Variants in SLC38A2 observed in about 807,000 individuals in gnomAD.
SLC38A2 encodes the protein sodium-coupled neutral amino acid symporter 2.
SLC38A2 carries 11 observed loss-of-function variants against 61.5 expected under a neutral mutation model. The ratio of observed to expected loss-of-function variants is 0.18; its 90% CI spans 0.11 to 0.30. The LOEUF is 0.30. SLC38A2 is among the 10% of genes least tolerant of loss of function. SLC38A2 has a pLI of 1.00. For synonymous variants in SLC38A2, 217 were observed against 212.5 expected (o/e 1.02, Z -0.18); for missense variants, 522 against 600.4 (o/e 0.87, Z 1.36).
chr12:46,362,825 T>C (rs1943097636), intron 13 of SLC38A2, 187 bp from the exon 14 acceptor site: 1 of 940,968 alleles, frequency 1.1e-6, no homozygotes, highest in Admixed American at 3.2e-5. Context: ...AAGATCATTT[T>C]ATATCTTATG....
chr12:46,363,166 A>C (rs1039417529), intron 12 of SLC38A2, 21 bp from the exon 13 acceptor site: 1 of 1,607,238 alleles, frequency 6.2e-7, no homozygotes, highest in African/African-American at 1.3e-5. Context: ...AGACCAAAAA[A>C]ACTTTGATTG....
chr12:46,370,480 G>T, intron 4 of SLC38A2, 32 bp downstream of exon 4: 1 of 1,501,354 alleles, frequency 6.7e-7, no homozygotes, highest in Non-Finnish European at 9.3e-7. Context: ...TAACTGCCCT[G>T]CATGGCAGAC....
At chr12:46,365,854 G>A (rs1943134079) in intron 7 of SLC38A2, among the ~76,000 whole-genome samples, 1 of 152,010 alleles carries the variant, frequency 6.6e-6, no homozygotes. Flanking sequence ...TATCCTCTAA[G>A]CCTTTTTCTT....
In SLC38A2 at chr12:46,360,945, A is replaced by C. The variant is rs1248953769; in HGVS notation, c.*166T>G. On this transcript the variant is annotated 3_prime_UTR_variant, in exon 16 of 16. Coordinates refer to ENST00000256689, the MANE Select transcript of SLC38A2 (RefSeq NM_018976.5). ...ACATACAGATAAGTTTCTTAAAAAA[A>C]CAAAACAAAACAAAAAAGTTCACTT... 3 of 572,902 alleles carry C rather than the reference A, an allele frequency of 5.2e-6. No individual in the cohort carries two copies. The highest frequency in any genetic ancestry group is 9.1e-6 in the Non-Finnish European group (3 of 328,356). The allele number at this position is 572,902 out of a possible 1,614,324, so 35.5% of individuals were successfully genotyped here. A position where few individuals can be genotyped will look rare whatever the true frequency, so the allele number is the denominator to read the frequency against.
Position 46,370,845 on chromosome 12 carries a change from A to G in SLC38A2, c.129T>C (p.Asp43=). The part of the protein sequence containing the change: ...KQAALKSHYA[D]VDPENQNFLL... ...AAAAGTTCTGGTTTTCAGGATCTACATCTGCATAATGGCTGCAAAAAATAT... is the reference window on the plus strand; with the variant it reads ...AAAAGTTCTGGTTTTCAGGATCTACGTCTGCATAATGGCTGCAAAAAATAT... Residue 43 remains aspartate, a synonymous_variant, in exon 3 of 16, where the codon GAT becomes GAC. Transcript: ENST00000256689. 6.2e-7 allele frequency: 1 copy of G among 1,610,610 alleles called. No homozygotes were observed. Among genetic ancestry groups the G allele is most frequent in the Non-Finnish European group, 8.5e-7 (1 of 1,178,564 alleles).
rs551538080 is a variant in SLC38A2 at position 46,367,795 on chromosome 12, CG to C, written c.315-456del. 8.5e-5 allele frequency among the ~76,000 whole-genome samples: 13 copies of C among 152,278 alleles called. No homozygotes were observed. In the East Asian group the frequency reaches 2.5e-3, roughly 29 times the overall value. ...GTTCTTGGGAAATTCAACTGAGACA[CG>C]TTCAGGAAAGGTTTTAAGACCACAT... On this transcript the variant is annotated intron_variant, in intron 4 of 15. Coordinates refer to ENST00000256689, the MANE Select transcript of SLC38A2 (RefSeq NM_018976.5).
At chr12:46,370,675 G>C in intron 3 of SLC38A2, 48 bp from the exon 4 acceptor site, 1 of 1,563,936 alleles carries the variant, frequency 6.4e-7, no homozygotes, top group Non-Finnish European at 8.8e-7. Context: ...TAATTAAATG[G>C]AGAAAACCAG....
In SLC38A2 at chr12:46,364,735, T is replaced by A. The variant is rs1238225499; in HGVS notation, c.647-33A>T. 10 of 1,571,476 alleles carry A rather than the reference T, an allele frequency of 6.4e-6. No individual in the cohort carries two copies. The East Asian group carries it at 2.2e-4, about 35-fold the overall frequency. On this transcript the variant is annotated intron_variant, in intron 8 of 15. Coordinates refer to ENST00000256689, the MANE Select transcript of SLC38A2 (RefSeq NM_018976.5). ...GAGGGGTGGCAGGAATCAGTATTAGTTTAATGAAACAGATTTAAGGCAAAT... is the reference window on the plus strand; with the variant it reads ...GAGGGGTGGCAGGAATCAGTATTAGATTAATGAAACAGATTTAAGGCAAAT...
At chr12:46,363,600 T>C (rs1446824054) in intron 12 of SLC38A2, 126 bp downstream of exon 12, 2 of 543,190 alleles carry the variant, frequency 3.7e-6, no homozygotes, top group Admixed American at 3.8e-5. Context: ...TCATCACAAA[T>C]ATGAAATATA....
intron 13 of SLC38A2, 100 bp from the exon 14 acceptor site, chr12:46,362,738 A>C: frequency 8.0e-7 from 1 of 1,256,624 alleles, no homozygotes; most frequent in Non-Finnish European, 1.1e-6. Context: ...GTAACAAGGA[A>C]TCTATCCAAA....
At chr12:46,371,449 G>A (rs935714241) in intron 1 of SLC38A2, 70 bp from the exon 2 acceptor site, 27 of 614,490 alleles carry the variant, frequency 4.4e-5, no homozygotes, top group Middle Eastern at 4.4e-4. Context: ...GCCGCCCGGA[G>A]GCGCAGCGCG....
intron 14 of SLC38A2, 52 bp downstream of exon 14, chr12:46,362,442 A>G (rs964181530): frequency 6.3e-7 from 1 of 1,593,820 alleles, no homozygotes; most frequent in South Asian, 1.1e-5. Context: ...TCATTCTTTA[A>G]ATCTTAAAAT....
Position 46,360,928 on chromosome 12 carries a change from A to G in SLC38A2, c.*183T>C, listed in dbSNP as rs1429336676. 6 of 562,492 alleles carry G rather than the reference A, an allele frequency of 1.1e-5. No homozygotes were observed. Among genetic ancestry groups the G allele is most frequent in the South Asian group, 1.0e-4 (4 of 39,142 alleles). 34.8% of individuals were successfully genotyped at this position (562,492 alleles called of 1,614,324 possible). A position where few individuals can be genotyped will look rare whatever the true frequency, so the allele number is the denominator to read the frequency against. ...GTTCATATCCATTTCTAACATACAG[A>G]TAAGTTTCTTAAAAAAACAAAACAA... On this transcript the variant is annotated 3_prime_UTR_variant, in exon 16 of 16. Transcript: ENST00000256689.
intron 10 of SLC38A2, 39 bp from the exon 11 acceptor site, chr12:46,364,042 C>G (rs934946283): frequency 2.0e-6 from 3 of 1,504,504 alleles, no homozygotes; most frequent in Non-Finnish European, 2.7e-6. Flanking sequence ...TCTGATGTAA[C>G]GAACTCATGC....
At chr12:46,363,338 A>G (rs1320408013) in intron 12 of SLC38A2, among the ~76,000 whole-genome samples, 193 bp from the exon 13 acceptor site, 1 of 152,070 alleles carries the variant, frequency 6.6e-6, no homozygotes, top group African/African-American at 2.4e-5. Flanking sequence ...TCTAAATACC[A>G]CAGAGATTTA....
intron 7 of SLC38A2, among the ~76,000 whole-genome samples, chr12:46,366,634 C>T (rs1463394722): frequency 1.3e-5 from 2 of 152,066 alleles, no homozygotes; most frequent in Non-Finnish European, 2.9e-5. Flanking sequence ...TTCTAGAAAA[C>T]CTGTTTTAGA....
intron 13 of SLC38A2, 52 bp from the exon 14 acceptor site, chr12:46,362,690 T>A: frequency 2.0e-6 from 3 of 1,522,510 alleles, no homozygotes; most frequent in Non-Finnish European, 2.6e-6. Flanking sequence ...AATATAAAAT[T>A]TAAAAATCCA....
At chr12:46,369,944 T>C (rs1943177433) in intron 4 of SLC38A2, among the ~76,000 whole-genome samples, 1 of 152,162 alleles carries the variant, frequency 6.6e-6, no homozygotes, top group East Asian at 1.9e-4. Flanking sequence ...CGAACAGGTC[T>C]GACAAAAGCA....
rs1044769079 is a variant in SLC38A2 at position 46,362,309 on chromosome 12, G to C, written c.1397C>G (p.Pro466Arg). Residue 466 changes from proline (P) to arginine (R), a missense_variant, in exon 15 of 16, where the codon CCT becomes CGT. Pro to Arg is a moderately radical substitution (Grantham distance 103). This residue lies in a region of SLC38A2 where 309 missense variants were observed against 343.9 expected (regional missense o/e 0.90). Coordinates refer to ENST00000256689, the MANE Select transcript of SLC38A2 (RefSeq NM_018976.5). ...AFYIKLVKKE[P>R]MKSVQKIGAL... ...CCCAATCTTTTGTACAGATTTCATA[G>C]GTTCTTTCTTCACCAACTTGATATA... The C allele has an allele frequency of 1.2e-6, 2 of 1,611,360 alleles. No individual in the cohort carries two copies. Among genetic ancestry groups the C allele is most frequent in the Non-Finnish European group, 1.7e-6 (2 of 1,178,816 alleles).
Sources: gnomAD v4.1 joint callset for allele counts (sites outside exome capture counted in the v4.1 genomes callset) on GRCh38, gnomAD v4.1.1 for gene constraint, gnomAD v4.1.1 regional missense constraint, MANE v1.5 for transcripts, NCBI Gene and HGNC (gene_info 2026-07-23, HGNC 2026-07-21) for gene names.